Variants in CHD6 observed in about 807,000 individuals in gnomAD.
The protein encoded by CHD6 is chromodomain helicase DNA binding protein 6.
A neutral mutation model predicts 276.9 loss-of-function variants in CHD6; 50 were observed. That is an observed-to-expected ratio of 0.18 (90% CI 0.14 to 0.23). The LOEUF is 0.23. Ranked by LOEUF, CHD6 falls within the 10% of genes least tolerant of loss-of-function variation. The pLI is 1.00. For missense variants in CHD6, 2,564 were observed against 3,365.8 expected, an observed-to-expected ratio of 0.76 and a Z score of 5.89; for synonymous variants, 1,173 against 1,229.3, an observed-to-expected ratio of 0.95 and a Z score of 0.96.
chr20:41,473,302 G>A lies in CHD6; in HGVS notation c.2664+20C>T. On this transcript the variant is annotated intron_variant, in intron 17 of 36. Coordinates refer to ENST00000373233, the MANE Select transcript of CHD6 (RefSeq NM_032221.5). The surrounding 1 kb of genome is among the most constrained non-coding windows in gnomAD (Gnocchi z 4.1). ...GGATCCAGGGCAGCTAAGGTAAACAGCAATCATCCTAGTGGTTACCTGCAA... is the reference window on the plus strand; with the variant it reads ...GGATCCAGGGCAGCTAAGGTAAACAACAATCATCCTAGTGGTTACCTGCAA... 1 of 1,610,666 alleles carries A rather than the reference G, an allele frequency of 6.2e-7. No individual in the cohort carries two copies. The highest frequency in any genetic ancestry group is 8.5e-7 in the Non-Finnish European group (1 of 1,177,658).
In CHD6 at chr20:41,473,766, C is replaced by A. The variant is rs897857450; in HGVS notation, c.2469-249G>T. On this transcript the variant is annotated intron_variant, in intron 16 of 36. Coordinates refer to ENST00000373233, the MANE Select transcript of CHD6 (RefSeq NM_032221.5). This position sits in a 1 kb window ranked among gnomAD's most constrained non-coding sequence, Gnocchi z 4.1. ...AAAAACAAAACAAAGCAAAAAAAAA[C>A]CAGCTGTAAACTAAGAAGGACTAGA... 2.2e-4 allele frequency among the ~76,000 whole-genome samples: 33 copies of A among 151,616 alleles called. No individual in the cohort carries two copies. The highest frequency in any genetic ancestry group is 7.3e-4 in the African/African-American group (30 of 41,362).
In CHD6 at chr20:41,425,372, G is replaced by T; in HGVS notation, c.4152C>A (p.Asp1384Glu). 1 of 1,614,062 alleles carries T rather than the reference G, an allele frequency of 6.2e-7. No homozygotes were observed. The highest frequency in any genetic ancestry group is 1.3e-5 in the African/African-American group (1 of 75,056). ...SRAAQDGSDPDKSPWPVSSAL... is the reference protein window; with the variant it reads ...SRAAQDGSDPEKSPWPVSSAL... ...CGGAGGAAACTGGCCAGGGCGATTT[G>T]TCTGGGTCGGAGCCATCCTGGGCTT... The change falls in exon 29 of 37, where the codon GAC becomes GAA. Residue 1384 changes from aspartate to glutamate, a missense_variant. Physicochemically the swap from Asp to Glu is conservative, Grantham distance 45 (BLOSUM62 2). Coordinates refer to ENST00000373233, the MANE Select transcript of CHD6 (RefSeq NM_032221.5).
At chr20:41,541,215 TAC>T (rs1324939100) in intron 2 of CHD6, among the ~76,000 whole-genome samples, 3 of 152,226 alleles carry the variant, frequency 2.0e-5, no homozygotes, top group African/African-American at 7.2e-5. Context: ...GCATTTAGTA[TAC>T]AGTCAGTCCC....
At chr20:41,551,547 T>C (rs909002099) in intron 1 of CHD6, among the ~76,000 whole-genome samples, 187 bp from the exon 2 acceptor site, 4 of 152,246 alleles carry the variant, frequency 2.6e-5, no homozygotes, top group Admixed American at 6.5e-5. Flanking sequence ...TAGACCCTAA[T>C]TTATTGCACC....
intron 2 of CHD6, among the ~76,000 whole-genome samples, chr20:41,535,575 G>A (rs778813358): frequency 1.8e-4 from 28 of 152,108 alleles, no homozygotes; most frequent in Non-Finnish European, 3.5e-4. Context: ...AATGTTAAAT[G>A]CAGCCAGGCA....
chr20:41,555,662 G>A (rs541232343), intron 1 of CHD6, among the ~76,000 whole-genome samples: 43 of 151,720 alleles, frequency 2.8e-4, no homozygotes, highest in Middle Eastern at 6.8e-3. Context: ...CGGGGCGGCG[G>A]GGCAGAGGCG....
At chr20:41,487,521 CACAAACACATAAAATAAAGGAGGTAACG>C in intron 14 of CHD6, 116 bp downstream of exon 14, 1 of 810,332 alleles carries the variant, frequency 1.2e-6, no homozygotes, top group Non-Finnish European at 1.9e-6. Context: ...CCCCAACATA[CACAAACACATAAAATAAAGGAGGTAACG>C]CTCATTTTAC....
intron 5 of CHD6, among the ~76,000 whole-genome samples, chr20:41,504,481 C>T (rs575809360): frequency 1.3e-5 from 2 of 148,832 alleles, no homozygotes; most frequent in South Asian, 4.3e-4. Flanking sequence ...ACGATCTCAC[C>T]TCACTAAAAC....
chr20:41,603,305 G>A (rs536259476), intron 1 of CHD6, among the ~76,000 whole-genome samples: 1 of 152,196 alleles, frequency 6.6e-6, no homozygotes, highest in African/African-American at 2.4e-5. Flanking sequence ...TCATGCCACT[G>A]TACTCCAGCC....
At chr20:41,618,227 C>T (rs2045955539) in intron 1 of CHD6, 113 bp downstream of exon 1, 4 of 151,838 alleles carry the variant, frequency 2.6e-5, no homozygotes, top group Non-Finnish European at 5.9e-5. Flanking sequence ...CTCATCCCGG[C>T]TCCATTCATA....
At chr20:41,564,260 C>T (rs1396698226) in intron 1 of CHD6, 4 of 570,566 alleles carry the variant, frequency 7.0e-6, no homozygotes, top group Non-Finnish European at 1.3e-5. Context: ...TTTCTCTTCC[C>T]GTTTTCCAAA....
At chr20:41,615,102 A>C (rs2045922625) in intron 1 of CHD6, among the ~76,000 whole-genome samples, 1 of 152,250 alleles carries the variant, frequency 6.6e-6, no homozygotes, top group African/African-American at 2.4e-5. Flanking sequence ...CTACTGGTGA[A>C]AAGGACATGT....
At chr20:41,447,598 A>G (rs750171948) in intron 24 of CHD6, among the ~76,000 whole-genome samples, 3 of 152,244 alleles carry the variant, frequency 2.0e-5, no homozygotes, top group Non-Finnish European at 2.9e-5. Flanking sequence ...ACAGTAAATG[A>G]CTGTTTTAAA....
At chr20:41,596,139 G>C (rs1003279910) in intron 1 of CHD6, among the ~76,000 whole-genome samples, 3 of 152,024 alleles carry the variant, frequency 2.0e-5, no homozygotes, top group Non-Finnish European at 4.4e-5. Flanking sequence ...TGGAGTAGTC[G>C]CCCAAACATG....
intron 2 of CHD6, among the ~76,000 whole-genome samples, chr20:41,549,741 A>C (rs1316613741): frequency 1.3e-5 from 2 of 152,164 alleles, no homozygotes; most frequent in Non-Finnish European, 2.9e-5. Context: ...GATTGCTTTA[A>C]GAAATATAAA....
In CHD6 at chr20:41,416,607, A is replaced by G. The variant is rs544990132; in HGVS notation, c.6467T>C (p.Leu2156Ser). 17 of 1,612,440 alleles carry G rather than the reference A, an allele frequency of 1.1e-5. No individual in the cohort carries two copies. The Admixed American group carries it at 2.8e-4, about 27-fold the overall frequency. Residue 2156 changes from leucine to serine, a missense_variant, in exon 33 of 37, where the codon TTG (leucine) becomes TCG (serine). Physicochemically the swap from Leu to Ser is moderately radical, Grantham distance 145 (BLOSUM62 -2). Transcript: ENST00000373233. The stretch of plus-strand genomic sequence containing the variant: ...GCTCACCTTGTGGATCTGGGCCGCC[A>G]ATGCTGCGCCGTTGCTGAAGCTGTG... Reference protein sequence around the residue: ...AEHSFSNGAALAAQIHKESFL... With the variant: ...AEHSFSNGAASAAQIHKESFL...
Position 41,405,212 on chromosome 20 carries a change from T to A in CHD6, c.7529A>T (p.Glu2510Val). Residue 2510 changes from glutamate to valine, a missense_variant, in exon 37 of 37, where the codon GAG becomes GTG. Physicochemically the swap from Glu to Val is moderately radical, Grantham distance 121 (BLOSUM62 -2). Transcript: ENST00000373233. ...AGFATMPTGEEVKSTLSMLPM... is the reference protein window; with the variant it reads ...AGFATMPTGEVVKSTLSMLPM... ...CAGCATGCTCAGGGTACTTTTGACC[T>A]CTTCACCTGTTGGCATCGTGGCAAA... is the stretch of plus-strand genomic sequence containing the variant. The A allele has an allele frequency of 1.2e-6, 2 of 1,614,182 alleles. No individual in the cohort carries two copies. Among genetic ancestry groups the A allele is most frequent in the South Asian group, 1.1e-5 (1 of 91,086 alleles).
chr20:41,488,560 T>C lies in CHD6; in HGVS notation c.1725A>G (p.Thr575=). The C allele has an allele frequency of 1.2e-6, 2 of 1,613,856 alleles. No individual in the cohort carries two copies. Among genetic ancestry groups the C allele is most frequent in the East Asian group, 2.2e-5 (1 of 44,832 alleles). ...SGVFKFHVVI[T]TFEMILADCP... ...AGTCTGCTAGGATCATTTCAAATGTTGTGATGACGACGTGGAACTTGAAGA... is the reference window on the plus strand; with the variant it reads ...AGTCTGCTAGGATCATTTCAAATGTCGTGATGACGACGTGGAACTTGAAGA... Residue 575 remains threonine (T), a synonymous_variant, in exon 13 of 37, where the codon ACA becomes ACG. Transcript: ENST00000373233.
intron 3 of CHD6, among the ~76,000 whole-genome samples, chr20:41,524,211 A>G (rs1405713107): frequency 6.6e-6 from 1 of 152,208 alleles, no homozygotes; most frequent in East Asian, 1.9e-4. Flanking sequence ...CACTTGATTC[A>G]GCTTTTCCAT....
Sources: allele counts gnomAD v4.1 joint callset (sites outside exome capture counted in the v4.1 genomes callset), GRCh38; gene constraint gnomAD v4.1.1; non-coding constraint Gnocchi (gnomAD v3.1); transcripts MANE v1.5; gene names NCBI Gene and HGNC (gene_info 2026-07-23, HGNC 2026-07-21).